CACNA2D3: variants seen among roughly 807,000 people sequenced by gnomAD.
CACNA2D3 encodes the protein calcium voltage-gated channel auxiliary subunit alpha2delta 3, also known as voltage-dependent calcium channel subunit alpha-2/delta-3.
In CACNA2D3, 60 loss-of-function variants were observed where a neutral mutation model predicts 160.6. That is an observed-to-expected ratio of 0.37 (90% CI 0.30 to 0.46). CACNA2D3 has a LOEUF of 0.46. CACNA2D3 is among the 20% of genes least tolerant of loss of function. The pLI, the probability that CACNA2D3 is intolerant of heterozygous loss-of-function variation, is 1.00. For missense variants in CACNA2D3, 1,205 were observed against 1,365.0 expected, an observed-to-expected ratio of 0.88 and a Z score of 1.85; for synonymous variants, 558 against 492.9, an observed-to-expected ratio of 1.13 and a Z score of -1.75.
At chr3:54,903,381 T>C (rs184128073) in intron 27 of CACNA2D3, among the ~76,000 whole-genome samples, 92 of 152,366 alleles carry the variant, frequency 6.0e-4, no homozygotes, top group African/African-American at 2.1e-3. Flanking sequence ...GCAAAGGACC[T>C]GATCTCATTC....
intron 4 of CACNA2D3, among the ~76,000 whole-genome samples, chr3:54,493,100 C>T (rs1253523290): frequency 9.0e-5 from 9 of 100,112 alleles, no homozygotes; most frequent in African/African-American, 2.5e-4. Context: ...TTTTTGGAGA[C>T]GGAGTCAGGC....
intron 35 of CACNA2D3, among the ~76,000 whole-genome samples, chr3:55,027,016 C>T (rs1703577171): frequency 6.6e-6 from 1 of 152,192 alleles, no homozygotes; most frequent in African/African-American, 2.4e-5. Context: ...CGCACACACG[C>T]TGGTCCTAAC....
At chr3:54,889,475 TGTTGTGGAGGGTAGGGAG>T (rs1381519820) in intron 24 of CACNA2D3, among the ~76,000 whole-genome samples, 3 of 152,174 alleles carry the variant, frequency 2.0e-5, no homozygotes, top group Admixed American at 2.0e-4. Flanking sequence ...ATGATGGGTT[TGTTGTGGAGGGTAGGGAG>T]GTTGAGCCAT....
At chr3:54,655,519 C>G (rs926789424) in intron 11 of CACNA2D3, among the ~76,000 whole-genome samples, 1 of 152,138 alleles carries the variant, frequency 6.6e-6, no homozygotes, top group Non-Finnish European at 1.5e-5. Context: ...GCTCTTTTAT[C>G]CTGAATATGG....
intron 13 of CACNA2D3, among the ~76,000 whole-genome samples, chr3:54,813,314 T>C (rs952381349): frequency 1.3e-5 from 2 of 152,120 alleles, no homozygotes; most frequent in Non-Finnish European, 2.9e-5. Context: ...CAAGGTGGCT[T>C]TGAAGAAGAA....
Position 54,200,275 on chromosome 3 carries a change from C to T in CACNA2D3, c.204+76681C>T, listed in dbSNP as rs1204311892. 5.9e-5 allele frequency among the ~76,000 whole-genome samples: 9 copies of T among 152,272 alleles called. No individual in the cohort carries two copies. In the East Asian group the frequency reaches 1.7e-3, roughly 29 times the overall value. On this transcript the variant is annotated intron_variant, in intron 2 of 37. Coordinates refer to ENST00000474759, the MANE Select transcript of CACNA2D3 (RefSeq NM_018398.3). ...TTGGGTGGGTAGTCCATCCTGAAGT[C>T]CCCAGTGCCATGCCCAGGCTCTGTG...
intron 11 of CACNA2D3, among the ~76,000 whole-genome samples, chr3:54,727,991 TG>T (rs1337772263): frequency 5.9e-5 from 9 of 152,346 alleles, no homozygotes; most frequent in African/African-American, 2.2e-4. Context: ...CTTTTTAGTA[TG>T]TTTTTTTCTT....
At chr3:54,466,212 A>G (rs1313108045) in intron 4 of CACNA2D3, among the ~76,000 whole-genome samples, 2 of 152,248 alleles carry the variant, frequency 1.3e-5, no homozygotes, top group African/African-American at 2.4e-5. Context: ...ATCAAGGGAT[A>G]GGAATCTTGG....
intron 4 of CACNA2D3, among the ~76,000 whole-genome samples, chr3:54,420,582 C>G (rs1699822803): frequency 6.6e-6 from 1 of 152,190 alleles, no homozygotes; most frequent in Non-Finnish European, 1.5e-5. Flanking sequence ...GTTACAGAAC[C>G]TTGGCTCAGA....
At chr3:54,737,103 T>C (rs1575449328) in intron 11 of CACNA2D3, among the ~76,000 whole-genome samples, 1 of 152,278 alleles carries the variant, frequency 6.6e-6, no homozygotes, top group Admixed American at 6.5e-5. Flanking sequence ...TTGGGGTATT[T>C]GCTATGGATT....
chr3:54,536,864 C>T (rs1404493275), intron 5 of CACNA2D3, among the ~76,000 whole-genome samples: 1 of 152,194 alleles, frequency 6.6e-6, no homozygotes, highest in Non-Finnish European at 1.5e-5. Context: ...TTCTTGGGTG[C>T]CCAGCGCTGT....
At chr3:54,553,085 T>C (rs1702186276) in intron 5 of CACNA2D3, among the ~76,000 whole-genome samples, 1 of 152,148 alleles carries the variant, frequency 6.6e-6, no homozygotes, top group Admixed American at 6.5e-5. Context: ...GTCCCTCTGG[T>C]CCCAGGGCTG....
At chr3:54,867,330 A>C (rs1023279664) in intron 17 of CACNA2D3, among the ~76,000 whole-genome samples, 1 of 152,190 alleles carries the variant, frequency 6.6e-6, no homozygotes, top group East Asian at 1.9e-4. Flanking sequence ...CCCAGACGCA[A>C]TCGTGTATCT....
At chr3:55,018,361 C>T in intron 35 of CACNA2D3, 44 bp downstream of exon 35, 1 of 1,204,568 alleles carries the variant, frequency 8.3e-7, no homozygotes, top group Non-Finnish European at 1.2e-6. Flanking sequence ...CCTTTCTGCT[C>T]AGCACAGAAC....
rs573155729 is a variant in CACNA2D3 at position 55,051,647 on chromosome 3, C to T, written c.2988-21798C>T. ...GTGGGCTCCACCCAGTTCGAGCTTC[C>T]GGGCTGCTTTGTTTACCTAAGCAAG... On this transcript the variant is annotated intron_variant, in intron 35 of 37. Coordinates refer to ENST00000474759, the MANE Select transcript of CACNA2D3 (RefSeq NM_018398.3). Among the ~76,000 whole-genome samples, 1,420 of 152,102 alleles carry T rather than the reference C, an allele frequency of 9.3e-3. 22 individuals are homozygous for T. Among genetic ancestry groups the T allele is most frequent in the African/African-American group, 0.032 (1,336 of 41,436 alleles).
intron 11 of CACNA2D3, among the ~76,000 whole-genome samples, chr3:54,646,827 A>G (rs1320163695): frequency 6.6e-6 from 1 of 152,144 alleles, no homozygotes; most frequent in Non-Finnish European, 1.5e-5. Flanking sequence ...TCCTTGAGGA[A>G]TAACCACACG....
chr3:54,930,118 C>T (rs1352048787), intron 27 of CACNA2D3, among the ~76,000 whole-genome samples: 1 of 152,188 alleles, frequency 6.6e-6, no homozygotes, highest in Non-Finnish European at 1.5e-5. Context: ...TGCCTGCATT[C>T]CAATAAAACT....
At chr3:54,934,958 G>A (rs773403791) in intron 27 of CACNA2D3, among the ~76,000 whole-genome samples, 1 of 152,074 alleles carries the variant, frequency 6.6e-6, no homozygotes, top group Non-Finnish European at 1.5e-5. Context: ...GGCTGGTCTC[G>A]AACTCCTGAC....
chr3:54,324,921 C>CCCA (rs148343037), intron 3 of CACNA2D3, among the ~76,000 whole-genome samples: 2 of 151,536 alleles, frequency 1.3e-5, no homozygotes, highest in African/African-American at 4.8e-5. Flanking sequence ...CAAGTCAGAG[C>CCCA]TCTTTGATAT....
Sources: gnomAD v4.1 joint callset for allele counts (sites outside exome capture counted in the v4.1 genomes callset) on GRCh38, gnomAD v4.1.1 for gene constraint, MANE v1.5 for transcripts, NCBI Gene and HGNC (gene_info 2026-07-23, HGNC 2026-07-21) for gene names.